The following NPEPPS variants were observed in gnomAD, a reference collection of about 807,000 sequenced individuals.
NPEPPS encodes the protein aminopeptidase puromycin sensitive, also known as puromycin-sensitive aminopeptidase.
Under a neutral mutation model 115.5 loss-of-function variants are expected in NPEPPS, and 14 were observed. That is an observed-to-expected ratio of 0.12 (90% CI 0.08 to 0.19). The LOEUF is 0.19. Among genes scored for constraint, NPEPPS ranks in the 10% least tolerant of loss-of-function variants. The pLI, the probability that NPEPPS is intolerant of heterozygous loss-of-function variation, is 1.00. For missense variants in NPEPPS, 523 were observed against 1,110.8 expected (o/e 0.47, Z 7.52); for synonymous variants, 285 against 390.6 (o/e 0.73, Z 3.19).
chr17:47,613,400 G>A (rs1280516923), intron 18 of NPEPPS, among the ~76,000 whole-genome samples: 2 of 151,114 alleles, frequency 1.3e-5, no homozygotes, highest in Non-Finnish European at 2.9e-5. Flanking sequence ...CTGAGTAGCT[G>A]GGATTACAGG....
At position 47,623,098 on chromosome 17, in the gene NPEPPS, T is replaced by C. The variant is rs1914695788; in HGVS notation, c.*1178T>C. On this transcript the variant is annotated 3_prime_UTR_variant, in exon 23 of 23. Coordinates refer to ENST00000322157, the MANE Select transcript of NPEPPS (RefSeq NM_006310.4). ...TTCTTCTTTCCCTACCTTTTTTTTC[T>C]TTTTTTCTTAAAAAAATATTTTGTG... is the stretch of plus-strand genomic sequence containing the variant. The C allele has an allele frequency of 7.9e-6, 2 of 254,398 alleles. No homozygotes were observed. The highest frequency in any genetic ancestry group is 7.7e-6 in the Non-Finnish European group (1 of 129,996). 15.8% of individuals were successfully genotyped at this position (254,398 alleles called of 1,614,324 possible). A position where few individuals can be genotyped will look rare whatever the true frequency, so the allele number is the denominator to read the frequency against.
chr17:47,541,369 G>C (rs531355202), intron 1 of NPEPPS, among the ~76,000 whole-genome samples: 1 of 151,198 alleles, frequency 6.6e-6, no homozygotes, highest in Non-Finnish European at 1.5e-5. Flanking sequence ...TCATTTCTTT[G>C]TGTTTCTGAT....
chr17:47,616,233 G>A (rs142750152), intron 19 of NPEPPS, among the ~76,000 whole-genome samples: 1 of 152,258 alleles, frequency 6.6e-6, no homozygotes, highest in African/African-American at 2.4e-5. Context: ...GATCTCCCAA[G>A]GTCCTGTCTA....
intron 18 of NPEPPS, 100 bp from the exon 19 acceptor site, chr17:47,613,569 C>G: frequency 9.5e-7 from 1 of 1,056,150 alleles, no homozygotes. Flanking sequence ...AGCCGGCCAA[C>G]ATTTACAATA....
At chr17:47,532,638 G>A (rs1907894672) in intron 1 of NPEPPS, among the ~76,000 whole-genome samples, 1 of 127,866 alleles carries the variant, frequency 7.8e-6, no homozygotes, top group African/African-American at 3.1e-5. Context: ...CAGCCTGGGC[G>A]ACAGAGTGAG....
chr17:47,558,765 T>G (rs1910231721), intron 2 of NPEPPS, among the ~76,000 whole-genome samples: 1 of 151,078 alleles, frequency 6.6e-6, no homozygotes. Context: ...CTGGGTGTGG[T>G]GGCTGACGCT....
chr17:47,608,026 A>G (rs986613366), intron 17 of NPEPPS, among the ~76,000 whole-genome samples: 11 of 151,800 alleles, frequency 7.2e-5, no homozygotes, highest in African/African-American at 2.7e-4. Context: ...TTTTTTGGAA[A>G]AGATGAGACT....
chr17:47,592,893 A>G (rs189594249), intron 12 of NPEPPS, among the ~76,000 whole-genome samples: 261 of 152,056 alleles, frequency 1.7e-3, no homozygotes, highest in African/African-American at 5.7e-3. Context: ...TCCTAATGCT[A>G]TCCCTCCCCC....
intron 2 of NPEPPS, among the ~76,000 whole-genome samples, chr17:47,549,436 C>T (rs968691216): frequency 6.4e-4 from 97 of 152,080 alleles, no homozygotes; most frequent in African/African-American, 1.9e-3. Context: ...TGTAAGCCCA[C>T]GTAATTTTAG....
intron 1 of NPEPPS, among the ~76,000 whole-genome samples, chr17:47,539,062 C>T (rs568502378): frequency 1.3e-4 from 19 of 149,298 alleles, no homozygotes; most frequent in African/African-American, 3.9e-4. Context: ...TTTTATTGTA[C>T]GGACTTTGTA....
intron 3 of NPEPPS, among the ~76,000 whole-genome samples, chr17:47,575,580 A>AATTATTATTATTATTATTATT (rs10646632): frequency 7.6e-5 from 11 of 144,092 alleles, no homozygotes; most frequent in African/African-American, 2.3e-4. Flanking sequence ...GACAATATTG[A>AATTATTATTATTATTATTATT]ATTATTATTA....
At chr17:47,590,444 A>C (rs187493853) in intron 9 of NPEPPS, among the ~76,000 whole-genome samples, 167 of 144,212 alleles carry the variant, frequency 1.2e-3, no homozygotes, top group Admixed American at 2.4e-3. Flanking sequence ...GTGACAAAAC[A>C]AGACTTTGTC....
At chr17:47,562,080 C>T (rs1310043239) in intron 2 of NPEPPS, among the ~76,000 whole-genome samples, 1 of 152,214 alleles carries the variant, frequency 6.6e-6, no homozygotes, top group Non-Finnish European at 1.5e-5. Context: ...TCCCACATGC[C>T]TTGTTCTGTG....
chr17:47,526,958 AAAAAC>A (rs1041858130), upstream of NPEPPS, among the ~76,000 whole-genome samples: 1 of 152,168 alleles, frequency 6.6e-6, no homozygotes, highest in African/African-American at 2.4e-5. Context: ...ACTCTGTCTC[AAAAAC>A]AAAACAAAAC....
intron 19 of NPEPPS, among the ~76,000 whole-genome samples, chr17:47,615,813 T>C (rs956214479): frequency 6.6e-6 from 1 of 152,184 alleles, no homozygotes; most frequent in African/African-American, 2.4e-5. Flanking sequence ...ATTCAGAGTT[T>C]GCATTTATTT....
chr17:47,565,125 A>C (rs950293088), intron 2 of NPEPPS, among the ~76,000 whole-genome samples: 3 of 152,214 alleles, frequency 2.0e-5, no homozygotes, highest in African/African-American at 7.2e-5. Context: ...CAACAAGCAA[A>C]TATGTGATGT....
intron 2 of NPEPPS, chr17:47,559,615 C>G (rs753147629): frequency 1.5e-5 from 7 of 454,884 alleles, no homozygotes; most frequent in Non-Finnish European, 3.1e-5. Flanking sequence ...TTTCCAATGT[C>G]TGGGCTTCAG....
chr17:47,547,839 A>C (rs1909331066), intron 2 of NPEPPS, among the ~76,000 whole-genome samples: 1 of 152,050 alleles, frequency 6.6e-6, no homozygotes, highest in Non-Finnish European at 1.5e-5. Context: ...ATCCTGGCTA[A>C]CTCGGCGAAA....
intron 12 of NPEPPS, among the ~76,000 whole-genome samples, chr17:47,595,406 G>A (rs1461572680): frequency 6.6e-6 from 1 of 152,166 alleles, no homozygotes; most frequent in Non-Finnish European, 1.5e-5. Context: ...GGGTATAACG[G>A]TCTTAAGTTT....
Sources: allele counts gnomAD v4.1 joint callset (sites outside exome capture counted in the v4.1 genomes callset), GRCh38; gene constraint gnomAD v4.1.1; transcripts MANE v1.5; gene names NCBI Gene and HGNC (gene_info 2026-07-23, HGNC 2026-07-21).